The following CACNB4 variants were observed in gnomAD, a reference collection of about 807,000 sequenced individuals.
CACNB4 encodes the protein calcium voltage-gated channel auxiliary subunit beta 4, also known as voltage-dependent L-type calcium channel subunit beta-4.
Under a neutral mutation model 71.2 loss-of-function variants are expected in CACNB4, and 32 were observed. The ratio of observed to expected loss-of-function variants is 0.45; its 90% CI spans 0.34 to 0.60. The LOEUF (loss-of-function observed/expected upper bound fraction) is 0.60, where lower values mean the gene tolerates loss of function less well. Among genes scored for constraint, CACNB4 ranks in the 20% least tolerant of loss-of-function variants. The pLI is 0.01. For missense variants in CACNB4, 464 were observed against 647.9 expected (o/e 0.72, Z 3.08); for synonymous variants, 231 against 236.9 (o/e 0.97, Z 0.23).
rs776608168 is a variant in CACNB4 at position 151,853,533 on chromosome 2, C to T, written c.1031G>A (p.Arg344Gln). The change falls in exon 12 of 14, where the codon CGG becomes CAG. Residue 344 changes from arginine (R) to glutamine (Q), a missense_variant. This residue lies in a region of CACNB4 where 299 missense variants were observed against 471.7 expected (regional missense o/e 0.63). Transcript: ENST00000539935. ...TGACTTTCCTCTAGATTTAATCAAC[C>T]GCTGTAAAACCTGATAGAAGAAGAC... is the stretch of plus-strand genomic sequence containing the variant. ...VKVSSPKVLQ[R>Q]LIKSRGKSQS... The T allele has an allele frequency of 1.3e-4, 207 of 1,582,246 alleles. No individual in the cohort carries two copies. The highest frequency in any genetic ancestry group is 1.7e-4 in the Non-Finnish European group (202 of 1,161,966).
At chr2:152,022,640 T>G (rs553614644) in intron 2 of CACNB4, among the ~76,000 whole-genome samples, 1 of 152,378 alleles carries the variant, frequency 6.6e-6, no homozygotes, top group African/African-American at 2.4e-5. Context: ...ACCTGCAATC[T>G]CTACATTTGT....
rs2099834960 is a variant in CACNB4, at chr2:151,836,641, A to AATTG, written c.*2474_*2477dup. ...AAAACAGGTATGGACATCTGATGGTAATTGATAGATTGGTTTTGTGCACAG... is the reference window on the plus strand; with the variant it reads ...AAAACAGGTATGGACATCTGATGGTAATTGATTGATAGATTGGTTTTGTGCACAG... On this transcript the variant is annotated 3_prime_UTR_variant, in exon 14 of 14. Transcript: ENST00000539935. The AATTG allele has an allele frequency of 6.6e-6, 1 of 151,922 alleles. No individual in the cohort carries two copies. The highest frequency in any genetic ancestry group is 1.5e-5 in the Non-Finnish European group (1 of 67,802). The allele number at this position is 151,922 out of a possible 1,614,324, so 9.4% of individuals were successfully genotyped here.
intron 2 of CACNB4, among the ~76,000 whole-genome samples, chr2:151,889,779 A>T (rs1344969435): frequency 2.0e-5 from 3 of 152,168 alleles, no homozygotes; most frequent in Non-Finnish European, 4.4e-5. Context: ...ACATGCCCAG[A>T]ACTCTTTGCT....
At chr2:152,074,350 A>G (rs1355174165) in intron 2 of CACNB4, among the ~76,000 whole-genome samples, 1 of 151,712 alleles carries the variant, frequency 6.6e-6, no homozygotes, top group African/African-American at 2.4e-5. Flanking sequence ...CCATCATGGC[A>G]TAATCACTAC....
At chr2:151,863,061 T>G (rs2151382143) in intron 9 of CACNB4, among the ~76,000 whole-genome samples, 1 of 151,872 alleles carries the variant, frequency 6.6e-6, no homozygotes, top group East Asian at 1.9e-4. Context: ...TGTGTGGTTT[T>G]TTTTTTTTAA....
intron 2 of CACNB4, among the ~76,000 whole-genome samples, chr2:152,029,220 C>T (rs1448118356): frequency 6.6e-6 from 1 of 151,786 alleles, no homozygotes; most frequent in Admixed American, 6.6e-5. Flanking sequence ...CAGGGCTAGG[C>T]GTGGTGGCTC....
chr2:152,006,557 C>T (rs998337618), intron 2 of CACNB4, among the ~76,000 whole-genome samples: 2 of 152,108 alleles, frequency 1.3e-5, no homozygotes, highest in East Asian at 3.9e-4. Context: ...TGAGCCACCA[C>T]ATCTGGCTAA....
chr2:152,089,686 C>T (rs543717150), intron 2 of CACNB4, among the ~76,000 whole-genome samples: 18 of 152,050 alleles, frequency 1.2e-4, no homozygotes, highest in African/African-American at 4.1e-4. Context: ...AATCCCAACA[C>T]TTTGGGAGGC....
intron 2 of CACNB4, among the ~76,000 whole-genome samples, chr2:151,999,250 C>G (rs1040873307): frequency 2.0e-5 from 3 of 152,200 alleles, no homozygotes; most frequent in Non-Finnish European, 2.9e-5. Context: ...ATGTCCGCCC[C>G]CTCTGGGTTT....
chr2:151,850,628 T>C (rs573539608), intron 12 of CACNB4: 7 of 152,330 alleles, frequency 4.6e-5, no homozygotes, highest in African/African-American at 1.7e-4. Context: ...AGTCTTTCCC[T>C]AGACATGTTC....
chr2:151,896,861 T>G lies in CACNB4; in HGVS notation c.148-13491A>C, dbSNP rs561884316. ...ATAAAAACTTAAGAGATAGATTTCATTATCCACACTGAAGTAAACAAGGCT... is the reference window on the plus strand; with the variant it reads ...ATAAAAACTTAAGAGATAGATTTCAGTATCCACACTGAAGTAAACAAGGCT... On this transcript the variant is annotated intron_variant, in intron 2 of 13. Transcript: ENST00000539935. 1.1e-3 allele frequency among the ~76,000 whole-genome samples: 161 copies of G among 152,336 alleles called. 1 individual carries two copies. Among genetic ancestry groups the G allele is most frequent in the African/African-American group, 3.7e-3 (155 of 41,572 alleles).
chr2:151,878,967 C>T (rs1300598755), intron 4 of CACNB4, among the ~76,000 whole-genome samples: 2 of 152,064 alleles, frequency 1.3e-5, no homozygotes, highest in Non-Finnish European at 2.9e-5. Flanking sequence ...GATATAAAAC[C>T]TTGAACAATC....
Position 152,027,644 on chromosome 2 carries a change from G to T in CACNB4, c.147+70686C>A, listed in dbSNP as rs940213149. Reference sequence around the variant, plus strand: ...CGAGGCGGGCGGATCACGAGGTCAGGAGATCGAGACCAGCCTGACCCACAC... The same window carrying T: ...CGAGGCGGGCGGATCACGAGGTCAGTAGATCGAGACCAGCCTGACCCACAC... On this transcript the variant is annotated intron_variant, in intron 2 of 13. Coordinates refer to ENST00000539935, the MANE Select transcript of CACNB4 (RefSeq NM_000726.5). 2.6e-5 allele frequency among the ~76,000 whole-genome samples: 4 copies of T among 152,064 alleles called. No individual in the cohort carries two copies. The South Asian group carries it at 8.3e-4, about 32-fold the overall frequency.
At chr2:152,032,844 C>G (rs1250160356) in intron 2 of CACNB4, among the ~76,000 whole-genome samples, 1 of 152,174 alleles carries the variant, frequency 6.6e-6, no homozygotes, top group Non-Finnish European at 1.5e-5. Context: ...GTCCTGGCTA[C>G]TCAGGAGACT....
intron 2 of CACNB4, among the ~76,000 whole-genome samples, chr2:151,891,797 T>C (rs1471496987): frequency 1.3e-5 from 2 of 152,174 alleles, no homozygotes; most frequent in Admixed American, 6.5e-5. Context: ...GATCACCTAC[T>C]GGGAGAAGGT....
chr2:152,031,858 A>G (rs1389277427), intron 2 of CACNB4, among the ~76,000 whole-genome samples: 3 of 152,230 alleles, frequency 2.0e-5, no homozygotes, highest in Admixed American at 2.0e-4. Flanking sequence ...CTCCATTACT[A>G]GAAAACTGCC....
intron 2 of CACNB4, among the ~76,000 whole-genome samples, chr2:151,906,691 T>C (rs1401779): frequency 0.95 from 145,225 of 152,270 alleles, 69,629 homozygotes; most frequent in East Asian, 1. Context: ...AGAAGGCCTT[T>C]CTAATTCTGA....
intron 2 of CACNB4, among the ~76,000 whole-genome samples, chr2:152,016,939 G>A (rs192023510): frequency 3.8e-4 from 58 of 152,292 alleles, no homozygotes; most frequent in African/African-American, 1.3e-3. Flanking sequence ...GGGAAATGAG[G>A]CAAAGAGAGT....
At chr2:152,029,504 AAAAAAAAG>A (rs1240653035) in intron 2 of CACNB4, among the ~76,000 whole-genome samples, 120 of 117,192 alleles carry the variant, frequency 1.0e-3, no homozygotes, top group Middle Eastern at 3.7e-3. Flanking sequence ...AAAAAAAAAA[AAAAAAAAG>A]AAAAGAAAAG....
Sources: gnomAD v4.1 joint callset for allele counts (sites outside exome capture counted in the v4.1 genomes callset) on GRCh38, gnomAD v4.1.1 for gene constraint, gnomAD v4.1.1 regional missense constraint, MANE v1.5 for transcripts, NCBI Gene and HGNC (gene_info 2026-07-23, HGNC 2026-07-21) for gene names.